USP7: variants seen among roughly 807,000 people sequenced by gnomAD.
The protein encoded by USP7 is ubiquitin C-terminal hydrolase 7.
A neutral mutation model predicts 162.9 loss-of-function variants in USP7; 9 were observed. That is an observed-to-expected ratio of 0.06 (90% confidence interval 0.03 to 0.10). The LOEUF is 0.10. Among genes scored for constraint, USP7 ranks in the 10% least tolerant of loss-of-function variants. The probability of loss-of-function intolerance (pLI) is 1.00; values close to 1 mark genes in which losing one functional copy is unlikely to be tolerated. For synonymous variants in USP7, 562 were observed against 475.9 expected (o/e 1.18, Z -2.35); for missense variants, 715 against 1,373.7 (o/e 0.52, Z 7.58).
At chr16:8,925,515 G>A (rs1340513087) in intron 2 of USP7, among the ~76,000 whole-genome samples, 2 of 151,990 alleles carry the variant, frequency 1.3e-5, no homozygotes, top group African/African-American at 4.8e-5. Flanking sequence ...AGTGCTTTTG[G>A]AACTTTCACC....
chr16:8,914,818 C>G (rs2141199467), intron 10 of USP7, among the ~76,000 whole-genome samples: 1 of 152,258 alleles, frequency 6.6e-6, no homozygotes, highest in East Asian at 1.9e-4. Flanking sequence ...ACTGGGGAAG[C>G]TGAAGCAGGA....
rs1229647499 is a variant in USP7 at position 8,898,355 on chromosome 16, C to G, written c.2718+5G>C. On this transcript the variant is annotated splice_donor_5th_base_variant and intron_variant, in intron 25 of 30. Coordinates refer to ENST00000344836, the MANE Select transcript of USP7 (RefSeq NM_003470.3). ...ATTAAAATTCATAGTATTAAAAAAA[C>G]TTACCTCTTCCCTAAATTGGCTGTT... The G allele has an allele frequency of 1.9e-6, 3 of 1,600,088 alleles. No individual in the cohort carries two copies. The highest frequency in any genetic ancestry group is 2.3e-5 in the South Asian group (2 of 87,852).
intron 26 of USP7, among the ~76,000 whole-genome samples, chr16:8,896,518 TAAAC>T (rs993437306): frequency 1.1e-4 from 16 of 152,164 alleles, no homozygotes; most frequent in African/African-American, 2.2e-4. Context: ...CTCTCTGAAA[TAAAC>T]AATCAATTCA....
intron 1 of USP7, among the ~76,000 whole-genome samples, chr16:8,949,115 A>C (rs989083610): frequency 5.3e-5 from 8 of 152,256 alleles, no homozygotes; most frequent in Non-Finnish European, 1.2e-4. Flanking sequence ...TGTGAATACT[A>C]AAAACCACTG....
intron 1 of USP7, among the ~76,000 whole-genome samples, chr16:8,948,691 C>G (rs1389077249): frequency 6.6e-6 from 1 of 152,112 alleles, no homozygotes; most frequent in African/African-American, 2.4e-5. Context: ...GTGGATGAAC[C>G]TTGAGGATAT....
At chr16:8,960,089 C>A (rs372580025) in intron 1 of USP7, among the ~76,000 whole-genome samples, 1 of 152,226 alleles carries the variant, frequency 6.6e-6, no homozygotes, top group East Asian at 1.9e-4. Flanking sequence ...GAGACCCATG[C>A]AAGTCACTCC....
intron 1 of USP7, among the ~76,000 whole-genome samples, chr16:8,935,304 G>GT (rs1162220995): frequency 6.6e-6 from 1 of 151,748 alleles, no homozygotes; most frequent in Non-Finnish European, 1.5e-5. Context: ...GAGCCTCCTG[G>GT]GTTCAAGTGA....
intron 1 of USP7, among the ~76,000 whole-genome samples, chr16:8,943,646 C>T (rs1386538359): frequency 6.6e-6 from 1 of 152,194 alleles, no homozygotes; most frequent in Non-Finnish European, 1.5e-5. Flanking sequence ...CCCACCAGTA[C>T]TGAAGGTCTA....
chr16:8,908,573 G>T, intron 11 of USP7, 123 bp from the exon 12 acceptor site: 1 of 743,932 alleles, frequency 1.3e-6, no homozygotes, highest in Non-Finnish European at 2.2e-6. Flanking sequence ...AGGCAGGGAA[G>T]TTTAGGTGTC....
In USP7 at chr16:8,920,521, G is replaced by C. The variant is rs950563151; in HGVS notation, c.523-74C>G. ...TATTCCCAAGAGACAAATTACATTA[G>C]TGCCCTGTACTTAATAGAGATGAAA... On this transcript the variant is annotated intron_variant, in intron 4 of 30. Transcript: ENST00000344836. 22 of 1,264,064 alleles carry C rather than the reference G, an allele frequency of 1.7e-5. No homozygotes were observed. The African/African-American group carries it at 3.0e-4, about 17-fold the overall frequency. The allele number at this position is 1,264,064 out of a possible 1,614,324, so 78.3% of individuals were successfully genotyped here.
At chr16:8,951,443 C>T (rs1899543619) in intron 1 of USP7, among the ~76,000 whole-genome samples, 2 of 152,178 alleles carry the variant, frequency 1.3e-5, no homozygotes, top group South Asian at 4.2e-4. Flanking sequence ...CCACAGAGAA[C>T]ACAGCCCGGG....
chr16:8,904,781 TAA>T (rs60248986), intron 14 of USP7, among the ~76,000 whole-genome samples: 2 of 144,334 alleles, frequency 1.4e-5, no homozygotes, highest in African/African-American at 2.6e-5. Flanking sequence ...TCTCTACTAC[TAA>T]AAAAAAAAAT....
chr16:8,918,938 G>A (rs974111838), intron 6 of USP7, 93 bp downstream of exon 6: 2 of 1,249,420 alleles, frequency 1.6e-6, no homozygotes, highest in Non-Finnish European at 2.3e-6. Context: ...CCAGGGGAGG[G>A]AGACGCCATG....
intron 1 of USP7, among the ~76,000 whole-genome samples, chr16:8,934,869 C>A (rs1898598103): frequency 6.6e-6 from 1 of 152,164 alleles, no homozygotes; most frequent in South Asian, 2.1e-4. Context: ...CTCCCAGGGG[C>A]AGGAGATCCC....
intron 1 of USP7, among the ~76,000 whole-genome samples, chr16:8,950,224 C>G (rs1231833604): frequency 6.6e-6 from 1 of 152,128 alleles, no homozygotes; most frequent in East Asian, 1.9e-4. Context: ...CAGTGGACAG[C>G]GAAGGTCTAG....
At chr16:8,895,807 T>C (rs2061672117) in intron 26 of USP7, 66 bp from the exon 27 acceptor site, 1 of 1,162,048 alleles carries the variant, frequency 8.6e-7, no homozygotes, top group Non-Finnish European at 1.2e-6. Context: ...AATAAAATGG[T>C]TTTCTAGAAA....
In USP7 at chr16:8,898,655, G is replaced by A. The variant is rs749899601; in HGVS notation, c.2532-16C>T. 2 of 1,543,058 alleles carry A rather than the reference G, an allele frequency of 1.3e-6. No homozygotes were observed. Among genetic ancestry groups the A allele is most frequent in the Admixed American group, 2.1e-5 (1 of 46,824 alleles). On this transcript the variant is annotated splice_polypyrimidine_tract_variant and intron_variant, in intron 23 of 30. Transcript: ENST00000344836. ...ATCCCTATAACTACACAAGAAAACA[G>A]CATATAAATAAATGACTTGTTTATT...
chr16:8,907,764 T>TGATCA (rs1407286489), intron 12 of USP7, among the ~76,000 whole-genome samples: 2 of 152,140 alleles, frequency 1.3e-5, no homozygotes, highest in Admixed American at 1.3e-4. Flanking sequence ...CAGTGAGCCA[T>TGATCA]GATCATGCCA....
chr16:8,900,238 T>A (rs2061752724), intron 21 of USP7: 1 of 337,674 alleles, frequency 3.0e-6, no homozygotes, highest in Non-Finnish European at 5.4e-6. Context: ...CTAAGGAGTT[T>A]CGATTTCATA....
Sources: gnomAD v4.1 joint callset for allele counts (sites outside exome capture counted in the v4.1 genomes callset) on GRCh38, gnomAD v4.1.1 for gene constraint, MANE v1.5 for transcripts, NCBI Gene and HGNC (gene_info 2026-07-23, HGNC 2026-07-21) for gene names.